The following AGAP3 variants were observed in gnomAD, a reference collection of about 807,000 sequenced individuals.
AGAP3 encodes the protein ArfGAP with GTPase domain, ankyrin repeat and PH domain 3.
AGAP3 carries 24 observed loss-of-function variants against 96.9 expected under a neutral mutation model. That is an observed-to-expected ratio of 0.25 (90% CI 0.18 to 0.35). AGAP3 has a LOEUF of 0.35. Among genes scored for constraint, AGAP3 ranks in the 10% least tolerant of loss-of-function variants. The probability of loss-of-function intolerance (pLI) is 1.00; values close to 1 mark genes in which losing one functional copy is unlikely to be tolerated. For missense variants in AGAP3, 876 were observed against 1,254.2 expected (o/e 0.70, Z 4.55); for synonymous variants, 563 against 536.1 (o/e 1.05, Z -0.69).
rs755607014 is a variant in AGAP3 at position 151,118,640 on chromosome 7, C to T, written c.969+8C>T. On this transcript the variant is annotated splice_region_variant and intron_variant, in intron 7 of 17. Transcript: ENST00000397238. This position sits in a 1 kb window ranked among gnomAD's most constrained non-coding sequence, Gnocchi z 6.1. ...GCCGTGCACATCAACCAGGTTCGGCCTGTGCCCCGCCCTGCCCTTCCTGTC... is the reference window on the plus strand; with the variant it reads ...GCCGTGCACATCAACCAGGTTCGGCTTGTGCCCCGCCCTGCCCTTCCTGTC... 1 of 1,611,178 alleles carries T rather than the reference C, an allele frequency of 6.2e-7. No homozygotes were observed. Among genetic ancestry groups the T allele is most frequent in the Admixed American group, 1.7e-5 (1 of 59,990 alleles).
At chr7:151,117,592 G>A (rs764053590) in intron 4 of AGAP3, 44 bp from the exon 5 acceptor site, 1 of 1,612,174 alleles carries the variant, frequency 6.2e-7, no homozygotes, top group Admixed American at 1.7e-5. Context: ...ATGGGAGTTT[G>A]CCAGGTCCAG....
chr7:151,089,039 G>GGCCCTGCT (rs964730681), intron 1 of AGAP3, among the ~76,000 whole-genome samples: 6 of 151,796 alleles, frequency 4.0e-5, no homozygotes, highest in Non-Finnish European at 5.9e-5. Context: ...CCCACTCCTG[G>GGCCCTGCT]GCCCTGCTGC....
rs1799445641 is a variant in AGAP3 at position 151,114,564 on chromosome 7, C to T, written c.332-2229C>T. 1 of 337,462 alleles carries T rather than the reference C, an allele frequency of 3.0e-6. No individual in the cohort carries two copies. The highest frequency in any genetic ancestry group is 2.2e-5 in the African/African-American group (1 of 44,710). 20.9% of individuals were successfully genotyped at this position (337,462 alleles called of 1,614,324 possible). A position where few individuals can be genotyped will look rare whatever the true frequency, so the allele number is the denominator to read the frequency against. On this transcript the variant is annotated intron_variant, in intron 1 of 17. Coordinates refer to ENST00000397238, the MANE Select transcript of AGAP3 (RefSeq NM_031946.7). This position sits in a 1 kb window ranked among gnomAD's most constrained non-coding sequence, Gnocchi z 4.4. ...CCGTTCCCGGGCGTTCCAGGCCAGA[C>T]TTGCCGCCTCTCTCTCCGGGCTGGG...
chr7:151,114,704 G>GGCCCCGGCCCGGGCCCA lies in AGAP3; in HGVS notation c.332-2082_332-2066dup. On this transcript the variant is annotated intron_variant, in intron 1 of 17. Coordinates refer to ENST00000397238, the MANE Select transcript of AGAP3 (RefSeq NM_031946.7). The surrounding 1 kb of genome is among the most constrained non-coding windows in gnomAD (Gnocchi z 4.4). ...CCGGAGGTCCGTGCGCCCCGGCCGCGGCCCCGGCCCGGGCCCAGCCCCGTG... is the reference window on the plus strand; with the variant it reads ...CCGGAGGTCCGTGCGCCCCGGCCGCGGCCCCGGCCCGGGCCCAGCCCCGGCCCGGGCCCAGCCCCGTG... 2 of 997,034 alleles carry GGCCCCGGCCCGGGCCCA rather than the reference G, an allele frequency of 2.0e-6. No homozygotes were observed. The highest frequency in any genetic ancestry group is 3.5e-5 in the African/African-American group (2 of 57,290). 61.8% of individuals were successfully genotyped at this position (997,034 alleles called of 1,614,324 possible).
chr7:151,137,537 C>T (rs1017445215), intron 11 of AGAP3, among the ~76,000 whole-genome samples: 3 of 152,220 alleles, frequency 2.0e-5, no homozygotes, highest in African/African-American at 4.8e-5. Context: ...AATTGTGCGG[C>T]GCTCTGTCCT....
chr7:151,095,166 G>A (rs934605648), intron 1 of AGAP3, among the ~76,000 whole-genome samples: 3 of 152,200 alleles, frequency 2.0e-5, no homozygotes, highest in Non-Finnish European at 2.9e-5. Flanking sequence ...GCTGAAGACC[G>A]TTTTAATCTC....
chr7:151,104,343 C>T (rs1327545894), intron 1 of AGAP3, among the ~76,000 whole-genome samples: 1 of 152,194 alleles, frequency 6.6e-6, no homozygotes, highest in African/African-American at 2.4e-5. Context: ...CATGTAATTA[C>T]ATTTCTGGGT....
chr7:151,087,818 G>A (rs1283786043), intron 1 of AGAP3, among the ~76,000 whole-genome samples: 1 of 152,278 alleles, frequency 6.6e-6, no homozygotes, highest in Admixed American at 6.5e-5. Context: ...TGGGCCCTTA[G>A]GCCCTGGACT....
In AGAP3 at chr7:151,137,801, G is replaced by A. The variant is rs1800659063; in HGVS notation, c.1496-342G>A. On this transcript the variant is annotated intron_variant, in intron 11 of 17. Transcript: ENST00000397238. ...ATGGAGGGTGCAGGGGCCCAAGCCAGGAGGGGCCCCTCAAGGAGCACTGCG... is the reference window on the plus strand; with the variant it reads ...ATGGAGGGTGCAGGGGCCCAAGCCAAGAGGGGCCCCTCAAGGAGCACTGCG... 8.4e-6 allele frequency: 3 copies of A among 355,824 alleles called. No homozygotes were observed. In the South Asian group the frequency reaches 1.9e-4, roughly 23 times the overall value. The allele number at this position is 355,824 out of a possible 1,614,324, so 22.0% of individuals were successfully genotyped here. A position where few individuals can be genotyped will look rare whatever the true frequency, so the allele number is the denominator to read the frequency against.
rs1799436767 is a variant in AGAP3, at chr7:151,114,406, T to C, written c.332-2387T>C. ...GTGTGTGGTGGACTGAGGACTGTTA[T>C]TTAGTTGGCCTGCTCGTAATGACAG... On this transcript the variant is annotated intron_variant, in intron 1 of 17. Coordinates refer to ENST00000397238, the MANE Select transcript of AGAP3 (RefSeq NM_031946.7). This position sits in a 1 kb window ranked among gnomAD's most constrained non-coding sequence, Gnocchi z 4.4. Among the ~76,000 whole-genome samples the C allele has an allele frequency of 6.6e-6, 1 of 152,206 alleles. No homozygotes were observed. The highest frequency in any genetic ancestry group is 2.4e-5 in the African/African-American group (1 of 41,454).
In AGAP3 at chr7:151,114,692, C is replaced by CGCCCCGGCCGCG; in HGVS notation, c.332-2091_332-2080dup. 1 of 992,382 alleles carries CGCCCCGGCCGCG rather than the reference C, an allele frequency of 1.0e-6. No homozygotes were observed. Among genetic ancestry groups the CGCCCCGGCCGCG allele is most frequent in the Non-Finnish European group, 1.2e-6 (1 of 834,432 alleles). The allele number at this position is 992,382 out of a possible 1,614,324, so 61.5% of individuals were successfully genotyped here. A position where few individuals can be genotyped will look rare whatever the true frequency, so the allele number is the denominator to read the frequency against. ...GGTGCCCAGAGGCCGGAGGTCCGTGCGCCCCGGCCGCGGCCCCGGCCCGGG... is the reference window on the plus strand; with the variant it reads ...GGTGCCCAGAGGCCGGAGGTCCGTGCGCCCCGGCCGCGGCCCCGGCCGCGGCCCCGGCCCGGG... On this transcript the variant is annotated intron_variant, in intron 1 of 17. Transcript: ENST00000397238. This position sits in a 1 kb window ranked among gnomAD's most constrained non-coding sequence, Gnocchi z 4.4.
Position 151,103,138 on chromosome 7 carries a change from C to A in AGAP3, c.332-13655C>A, listed in dbSNP as rs369115227. On this transcript the variant is annotated intron_variant, in intron 1 of 17. Transcript: ENST00000397238. ...TGCCTGTGTGCTTACGTGCCCTTCTCGTATTCCTGCAATTTTTGGAGCATC... is the reference window on the plus strand; with the variant it reads ...TGCCTGTGTGCTTACGTGCCCTTCTAGTATTCCTGCAATTTTTGGAGCATC... 1.2e-4 allele frequency among the ~76,000 whole-genome samples: 18 copies of A among 152,358 alleles called. 1 individual carries two copies. Among genetic ancestry groups the A allele is most frequent in the East Asian group, 1.2e-3 (6 of 5,190 alleles).
chr7:151,110,953 G>A (rs570192444), intron 1 of AGAP3, among the ~76,000 whole-genome samples: 2 of 152,280 alleles, frequency 1.3e-5, no homozygotes, highest in Admixed American at 1.3e-4. Context: ...GCAGCAACTC[G>A]AGTTGTCTCG....
chr7:151,144,075 G>A lies in AGAP3; in HGVS notation c.*132G>A. On this transcript the variant is annotated 3_prime_UTR_variant, in exon 18 of 18. Coordinates refer to ENST00000397238, the MANE Select transcript of AGAP3 (RefSeq NM_031946.7). ...TGAGAGGACGAAGCCAAGGAAATTA[G>A]GGAGGAGAGTCAAAGGGATCAAGGA... 1 of 965,586 alleles carries A rather than the reference G, an allele frequency of 1.0e-6. No individual in the cohort carries two copies. The highest frequency in any genetic ancestry group is 1.7e-5 in the South Asian group (1 of 59,882). The allele number at this position is 965,586 out of a possible 1,614,324, so 59.8% of individuals were successfully genotyped here.
rs1800465997 is a variant in AGAP3 at position 151,133,231 on chromosome 7, A to G, written c.1327-1169A>G. ...GGAGAGGAATTTGTGCCACTTTACC[A>G]AGGGCATTGGCTAGGAATTGCCGTG... On this transcript the variant is annotated intron_variant, in intron 10 of 17. Transcript: ENST00000397238. This position sits in a 1 kb window ranked among gnomAD's most constrained non-coding sequence, Gnocchi z 5.4. 6.6e-6 allele frequency among the ~76,000 whole-genome samples: 1 copy of G among 152,218 alleles called. No homozygotes were observed. The highest frequency in any genetic ancestry group is 6.5e-5 in the Admixed American group (1 of 15,286).
intron 1 of AGAP3, chr7:151,115,304 G>A: frequency 9.9e-7 from 1 of 1,005,784 alleles, no homozygotes; most frequent in Non-Finnish European, 1.2e-6. Context: ...GGCCGGAGGG[G>A]CCCCGGCGCG....
chr7:151,104,622 T>C (rs1196849236), intron 1 of AGAP3, among the ~76,000 whole-genome samples: 2 of 152,206 alleles, frequency 1.3e-5, no homozygotes. Context: ...GTTCCCCGGT[T>C]GGAAGAGCAG....
chr7:151,113,862 C>T (rs372465853), intron 1 of AGAP3, among the ~76,000 whole-genome samples: 201 of 152,246 alleles, frequency 1.3e-3, no homozygotes, highest in African/African-American at 4.5e-3. Flanking sequence ...GGAAGGGCCT[C>T]GGAGCTTGGA....
intron 12 of AGAP3, 94 bp downstream of exon 12, chr7:151,138,407 G>T: frequency 7.2e-7 from 1 of 1,395,642 alleles, no homozygotes; most frequent in South Asian, 1.4e-5. Context: ...GGAGGCTGCA[G>T]TGGGACAGTG....
Sources: gnomAD v4.1 joint callset for allele counts (sites outside exome capture counted in the v4.1 genomes callset) on GRCh38, gnomAD v4.1.1 for gene constraint, Gnocchi (gnomAD v3.1) non-coding constraint, MANE v1.5 for transcripts, NCBI Gene and HGNC (gene_info 2026-07-23, HGNC 2026-07-21) for gene names.